CCDC93: variants seen among roughly 807,000 people sequenced by gnomAD.
CCDC93 encodes CCC complex scaffolding subunit CCDC93, also known as coiled-coil domain-containing protein 93.
A neutral mutation model predicts 108.2 loss-of-function variants in CCDC93; 61 were observed. That is an observed-to-expected ratio of 0.56 (90% CI 0.46 to 0.70). The LOEUF is 0.70. CCDC93 is among the 30% of genes least tolerant of loss of function. The pLI, the probability that CCDC93 is intolerant of heterozygous loss-of-function variation, is 0.00. For synonymous variants in CCDC93, 276 were observed against 260.4 expected (o/e 1.06, Z -0.58); for missense variants, 685 against 764.2 (o/e 0.90, Z 1.22).
At chr2:117,929,627 C>T (rs2104711604) in intron 23 of CCDC93, among the ~76,000 whole-genome samples, 1 of 152,350 alleles carries the variant, frequency 6.6e-6, no homozygotes, top group African/African-American at 2.4e-5. Flanking sequence ...ATTTGAGATG[C>T]AGTTCTTCTC....
chr2:118,004,845 A>G (rs894112585), intron 3 of CCDC93, among the ~76,000 whole-genome samples: 2 of 152,188 alleles, frequency 1.3e-5, no homozygotes, highest in Non-Finnish European at 2.9e-5. Context: ...TCCCTTATCC[A>G]AACCCTTTGG....
In CCDC93 at chr2:118,002,170, G is replaced by C. The variant is rs76850749; in HGVS notation, c.252-1238C>G. On this transcript the variant is annotated intron_variant, in intron 3 of 23. Transcript: ENST00000376300. ...GGTCCAGGTAAACAAAGGTCACTTA[G>C]AACTTACTAGGTGCTTCAAATTCAA... 6.2e-3 allele frequency among the ~76,000 whole-genome samples: 942 copies of C among 152,308 alleles called. 6 individuals are homozygous for C. Among genetic ancestry groups the C allele is most frequent in the Non-Finnish European group, 8.8e-3 (599 of 68,026 alleles).
At chr2:117,965,794 A>ACT (rs985070169) in intron 11 of CCDC93, among the ~76,000 whole-genome samples, 35 of 152,230 alleles carry the variant, frequency 2.3e-4, no homozygotes, top group African/African-American at 7.7e-4. Flanking sequence ...ATGCAGATCT[A>ACT]CTCAACAGGT....
intron 21 of CCDC93, chr2:117,935,804 CT>C: frequency 7.7e-6 from 3 of 388,142 alleles, no homozygotes; most frequent in Non-Finnish European, 1.4e-5. Flanking sequence ...GCATGTTAAT[CT>C]TTTTTGTCAT....
chr2:117,935,618 G>T (rs949649528), intron 21 of CCDC93, 39 bp from the exon 22 acceptor site: 1 of 1,435,626 alleles, frequency 7.0e-7, no homozygotes, highest in Non-Finnish European at 9.8e-7. Context: ...CGGCACACAG[G>T]ACTCTGAGGC....
At chr2:117,930,871 C>A in intron 23 of CCDC93, 166 bp downstream of exon 23, 1 of 527,782 alleles carries the variant, frequency 1.9e-6, no homozygotes, top group Non-Finnish European at 3.4e-6. Flanking sequence ...AAAACGCAAT[C>A]TTCAGCTACC....
intron 11 of CCDC93, among the ~76,000 whole-genome samples, chr2:117,964,317 TCTC>T (rs1558785519): frequency 6.6e-6 from 1 of 152,196 alleles, no homozygotes; most frequent in Non-Finnish European, 1.5e-5. Flanking sequence ...TCCTCTGCAT[TCTC>T]CTCAATGCCT....
chr2:117,972,433 C>A (rs1290753004), intron 11 of CCDC93, among the ~76,000 whole-genome samples: 1 of 152,100 alleles, frequency 6.6e-6, no homozygotes, highest in Non-Finnish European at 1.5e-5. Context: ...GTGTAAAATG[C>A]AGAATAACTG....
intron 11 of CCDC93, among the ~76,000 whole-genome samples, chr2:117,972,785 A>G (rs761666589): frequency 2.0e-5 from 3 of 152,176 alleles, no homozygotes; most frequent in Non-Finnish European, 4.4e-5. Flanking sequence ...TACTTTTAGG[A>G]TAACAAACAT....
chr2:117,978,326 TTCAGAGCCACGGTTTAAGC>T (rs1558792669), intron 7 of CCDC93, among the ~76,000 whole-genome samples: 1 of 152,188 alleles, frequency 6.6e-6, no homozygotes, highest in East Asian at 1.9e-4. Flanking sequence ...GCCACTGCAT[TTCAGAGCCACGGTTTAAGC>T]TAAAAGCCTT....
intron 1 of CCDC93, among the ~76,000 whole-genome samples, chr2:118,009,415 C>T (rs976913469): frequency 5.3e-5 from 8 of 151,044 alleles, no homozygotes; most frequent in African/African-American, 1.7e-4. Flanking sequence ...GGCTTCTAAT[C>T]CCACCGATTT....
intron 11 of CCDC93, among the ~76,000 whole-genome samples, chr2:117,971,732 A>C (rs1431823782): frequency 6.6e-6 from 1 of 152,220 alleles, no homozygotes; most frequent in Non-Finnish European, 1.5e-5. Context: ...CACTGCACTC[A>C]CTCACTGTCC....
At chr2:117,966,034 C>T (rs992749546) in intron 11 of CCDC93, among the ~76,000 whole-genome samples, 5 of 152,128 alleles carry the variant, frequency 3.3e-5, no homozygotes, top group Admixed American at 6.6e-5. Flanking sequence ...AGAGGACAAA[C>T]GATATATTAA....
At chr2:117,997,144 G>A (rs949923806) in intron 4 of CCDC93, 6 of 152,136 alleles carry the variant, frequency 3.9e-5, no homozygotes, top group Admixed American at 1.3e-4. Flanking sequence ...AGCTTTGTTA[G>A]GCTGATACCC....
At chr2:118,003,413 A>C (rs929832457) in intron 3 of CCDC93, among the ~76,000 whole-genome samples, 1 of 152,210 alleles carries the variant, frequency 6.6e-6, no homozygotes, top group Admixed American at 6.5e-5. Context: ...AATGAAAATG[A>C]ATATCAGTTC....
intron 6 of CCDC93, among the ~76,000 whole-genome samples, chr2:117,989,511 T>C (rs1316572299): frequency 6.6e-6 from 1 of 152,170 alleles, no homozygotes; most frequent in East Asian, 1.9e-4. Flanking sequence ...AACTCCTCAC[T>C]AGCTGGAATG....
intron 18 of CCDC93, among the ~76,000 whole-genome samples, chr2:117,942,283 T>C (rs1361088077): frequency 1.3e-5 from 2 of 152,146 alleles, no homozygotes; most frequent in Admixed American, 1.3e-4. Flanking sequence ...CTCATCAGCA[T>C]TTAAATACAT....
chr2:117,928,114 G>A (rs1338178537), intron 23 of CCDC93, among the ~76,000 whole-genome samples: 2 of 152,152 alleles, frequency 1.3e-5, no homozygotes, highest in Non-Finnish European at 2.9e-5. Context: ...ATTAATTCAA[G>A]ACGGATTAAA....
At chr2:117,992,523 C>G (rs551195342) in intron 6 of CCDC93, among the ~76,000 whole-genome samples, 30 of 152,246 alleles carry the variant, frequency 2.0e-4, no homozygotes, top group Non-Finnish European at 3.7e-4. Flanking sequence ...GGATTACGGG[C>G]ATGAACCACC....
Sources: gnomAD v4.1 joint callset for allele counts (sites outside exome capture counted in the v4.1 genomes callset) on GRCh38, gnomAD v4.1.1 for gene constraint, MANE v1.5 for transcripts, NCBI Gene and HGNC (gene_info 2026-07-23, HGNC 2026-07-21) for gene names.